The following SMCHD1 variants were observed in gnomAD, a reference collection of about 807,000 sequenced individuals.
SMCHD1 encodes structural maintenance of chromosomes flexible hinge domain-containing protein 1.
A neutral mutation model predicts 254.7 loss-of-function variants in SMCHD1; 78 were observed. The ratio of observed to expected loss-of-function variants is 0.31; its 90% CI spans 0.26 to 0.37. The LOEUF (loss-of-function observed/expected upper bound fraction) is 0.37, where lower values mean the gene tolerates loss of function less well. Among genes scored for constraint, SMCHD1 ranks in the 10% least tolerant of loss-of-function variants. The pLI is 1.00. For synonymous variants in SMCHD1, 766 were observed against 794.9 expected, an observed-to-expected ratio of 0.96 and a Z score of 0.61; for missense variants, 1,840 against 2,408.1, an observed-to-expected ratio of 0.76 and a Z score of 4.94.
intron 19 of SMCHD1, among the ~76,000 whole-genome samples, chr18:2,719,168 C>A (rs1229407638): frequency 6.6e-6 from 1 of 151,580 alleles, no homozygotes; most frequent in African/African-American, 2.4e-5. Context: ...AGGAATTTTT[C>A]TTGAATCACT....
chr18:2,720,078 C>T (rs567806526), intron 19 of SMCHD1, among the ~76,000 whole-genome samples: 148 of 152,308 alleles, frequency 9.7e-4, no homozygotes, highest in African/African-American at 3.3e-3. Flanking sequence ...CTTCCTGCCT[C>T]GGCCTCCCAA....
chr18:2,753,130 C>T (rs1176510754), intron 34 of SMCHD1: 1 of 153,212 alleles, frequency 6.5e-6, no homozygotes, highest in Non-Finnish European at 1.5e-5. Flanking sequence ...CACACATGCA[C>T]ACACCACAAA....
intron 37 of SMCHD1, among the ~76,000 whole-genome samples, chr18:2,766,059 T>C (rs1306517439): frequency 2.0e-5 from 3 of 150,456 alleles, no homozygotes; most frequent in East Asian, 3.9e-4. Context: ...AGTGGCGCGA[T>C]TGCCCCTCAC....
At chr18:2,719,269 C>T (rs71356063) in intron 19 of SMCHD1, among the ~76,000 whole-genome samples, 1 of 150,558 alleles carries the variant, frequency 6.6e-6, no homozygotes, top group African/African-American at 2.4e-5. Flanking sequence ...TCTCCTCTCT[C>T]CTCTCTCCCC....
chr18:2,770,161 A>G, intron 39 of SMCHD1, 53 bp downstream of exon 39: 1 of 1,557,252 alleles, frequency 6.4e-7, no homozygotes, highest in Non-Finnish European at 8.7e-7. Flanking sequence ...ATGATGAGGC[A>G]GGTGAGATCG....
At chr18:2,694,844 T>TA (rs2074253594) in intron 8 of SMCHD1, among the ~76,000 whole-genome samples, 151 bp downstream of exon 8, 2 of 152,338 alleles carry the variant, frequency 1.3e-5, no homozygotes, top group Non-Finnish European at 2.9e-5. Context: ...ATATTGGTGT[T>TA]AAAACAGCTC....
intron 13 of SMCHD1, among the ~76,000 whole-genome samples, chr18:2,704,355 A>G (rs148867530): frequency 6.6e-6 from 1 of 152,132 alleles, no homozygotes; most frequent in African/African-American, 2.4e-5. Flanking sequence ...TTTGTTTTTA[A>G]TGTAATGCGT....
chr18:2,661,989 C>G (rs1367981496), intron 1 of SMCHD1, among the ~76,000 whole-genome samples: 1 of 135,616 alleles, frequency 7.4e-6, no homozygotes, highest in Middle Eastern at 3.5e-3. Flanking sequence ...ACCCCCGTCT[C>G]TACTAAAAAA....
intron 25 of SMCHD1, among the ~76,000 whole-genome samples, chr18:2,737,577 G>GT (rs35698048): frequency 0.3 from 45,228 of 151,846 alleles, 6,924 homozygotes; most frequent in East Asian, 0.5. Context: ...GGCAGACCTG[G>GT]GGTGCATGCC....
At chr18:2,758,780 T>C (rs517301) in intron 34 of SMCHD1, among the ~76,000 whole-genome samples, 2 of 152,168 alleles carry the variant, frequency 1.3e-5, no homozygotes, top group African/African-American at 4.8e-5. Context: ...TTTGGTTATT[T>C]TGTGGTTGGT....
intron 7 of SMCHD1, among the ~76,000 whole-genome samples, chr18:2,690,480 CT>C (rs966496096): frequency 2.7e-5 from 4 of 150,694 alleles, no homozygotes; most frequent in African/African-American, 9.7e-5. Flanking sequence ...TGAATTTGAA[CT>C]TTTTTTTTGA....
At position 2,674,273 on chromosome 18, in the gene SMCHD1, TTTATA is replaced by T. The variant is rs975341833; in HGVS notation, c.638+134_638+138del. ...CTGTTATTCACATATTTATTTAGGT[TTTATA>T]TTATAGAATTTTTATGATTGATACT... On this transcript the variant is annotated intron_variant, in intron 5 of 47. Transcript: ENST00000320876. 1.5e-5 allele frequency: 11 copies of T among 740,310 alleles called. No homozygotes were observed. In the African/African-American group the frequency reaches 2.0e-4, roughly 14 times the overall value. The allele number at this position is 740,310 out of a possible 1,614,324, so 45.9% of individuals were successfully genotyped here.
intron 5 of SMCHD1, among the ~76,000 whole-genome samples, chr18:2,686,403 A>T (rs2143933545): frequency 6.6e-6 from 1 of 152,324 alleles, no homozygotes; most frequent in South Asian, 2.1e-4. Context: ...TTTGGTCCGA[A>T]GCATTTTGGA....
chr18:2,698,365 C>T (rs756563581), intron 10 of SMCHD1, among the ~76,000 whole-genome samples: 3 of 152,128 alleles, frequency 2.0e-5, no homozygotes, highest in Non-Finnish European at 2.9e-5. Flanking sequence ...TTTATGCAGT[C>T]ATATTTACTA....
At chr18:2,659,318 A>G (rs2073174872) in intron 1 of SMCHD1, among the ~76,000 whole-genome samples, 1 of 152,274 alleles carries the variant, frequency 6.6e-6, no homozygotes, top group African/African-American at 2.4e-5. Flanking sequence ...GGGTTTTGCC[A>G]TGTTGGCCAG....
chr18:2,698,272 G>A (rs527395300), intron 10 of SMCHD1, among the ~76,000 whole-genome samples: 20 of 152,022 alleles, frequency 1.3e-4, no homozygotes, highest in East Asian at 7.7e-4. Context: ...GTTCTGTTAC[G>A]AAACCAAACT....
At chr18:2,795,007 A>G (rs997684710) in intron 45 of SMCHD1, among the ~76,000 whole-genome samples, 1 of 149,386 alleles carries the variant, frequency 6.7e-6, no homozygotes, top group Admixed American at 6.7e-5. Flanking sequence ...AAAGTGAAGT[A>G]TTTTTCTGAG....
chr18:2,784,266 TAATTC>T (rs2076205003), intron 44 of SMCHD1, among the ~76,000 whole-genome samples, 179 bp from the exon 45 acceptor site: 1 of 152,246 alleles, frequency 6.6e-6, no homozygotes, highest in South Asian at 2.1e-4. Context: ...AAAAGTTGTC[TAATTC>T]ATCTCTCTGC....
In SMCHD1 at chr18:2,804,422, C is replaced by A. The variant is rs1282835427; in HGVS notation, c.*1870C>A. The stretch of plus-strand genomic sequence containing the variant: ...AGTAGCAGGGATTACAGGCATGCAC[C>A]CACATGCCAATTTTTATTGCTTAAA... On this transcript the variant is annotated 3_prime_UTR_variant, in exon 48 of 48. Transcript: ENST00000320876. 1.3e-5 allele frequency: 2 copies of A among 152,142 alleles called. No individual in the cohort carries two copies. The highest frequency in any genetic ancestry group is 4.8e-5 in the African/African-American group (2 of 41,414). 9.4% of individuals were successfully genotyped at this position (152,142 alleles called of 1,614,324 possible).
Sources: gnomAD v4.1 joint callset for allele counts (sites outside exome capture counted in the v4.1 genomes callset) on GRCh38, gnomAD v4.1.1 for gene constraint, MANE v1.5 for transcripts, NCBI Gene and HGNC (gene_info 2026-07-23, HGNC 2026-07-21) for gene names.